ASTN2: variants seen among roughly 807,000 people sequenced by gnomAD.
ASTN2 encodes the protein astrotactin 2, also known as astrotactin-2.
Under a neutral mutation model 139.8 loss-of-function variants are expected in ASTN2, and 54 were observed. That is an observed-to-expected ratio of 0.39 (90% CI 0.31 to 0.48). The LOEUF is 0.48. Among genes scored for constraint, ASTN2 ranks in the 20% least tolerant of loss-of-function variants. ASTN2 has a pLI of 0.95. For synonymous variants in ASTN2, 756 were observed against 719.5 expected (o/e 1.05, Z -0.81); for missense variants, 1,565 against 1,725.1 (o/e 0.91, Z 1.64).
chr9:116,943,267 G>C (rs1292989598), intron 10 of ASTN2, among the ~76,000 whole-genome samples: 1 of 152,166 alleles, frequency 6.6e-6, no homozygotes, highest in Non-Finnish European at 1.5e-5. Flanking sequence ...TGGCACACCT[G>C]TGAGTATAAA....
chr9:116,893,517 C>T (rs1361171600), intron 10 of ASTN2, among the ~76,000 whole-genome samples: 1 of 152,176 alleles, frequency 6.6e-6, no homozygotes, highest in Non-Finnish European at 1.5e-5. Context: ...GTCACTGACT[C>T]TTCCAGCCTC....
Position 116,531,451 on chromosome 9 carries a change from C to T in ASTN2, c.3356-43951G>A, listed in dbSNP as rs560379737. Among the ~76,000 whole-genome samples, 320 of 152,144 alleles carry T rather than the reference C, an allele frequency of 2.1e-3. 1 individual carries two copies. The highest frequency in any genetic ancestry group is 7.4e-3 in the African/African-American group (309 of 41,510). ...TTACATATGTATACGTGTGCCATGT[C>T]GGTGTGTTGCACCCATTAACTCGTC... is the stretch of plus-strand genomic sequence containing the variant. On this transcript the variant is annotated intron_variant, in intron 19 of 22. Transcript: ENST00000313400.
At chr9:117,389,092 T>C (rs576690454) in intron 1 of ASTN2, among the ~76,000 whole-genome samples, 2 of 152,350 alleles carry the variant, frequency 1.3e-5, no homozygotes, top group South Asian at 4.1e-4. Flanking sequence ...ATTTGCAATA[T>C]ACCCTGCTTC....
chr9:117,381,478 C>G (rs897142876), intron 1 of ASTN2, among the ~76,000 whole-genome samples: 1 of 152,094 alleles, frequency 6.6e-6, no homozygotes, highest in African/African-American at 2.4e-5. Context: ...CACTTGGTAC[C>G]ACCCTCAAGA....
intron 2 of ASTN2, among the ~76,000 whole-genome samples, chr9:117,257,468 G>A (rs1833717990): frequency 6.6e-6 from 1 of 152,234 alleles, no homozygotes; most frequent in Non-Finnish European, 1.5e-5. Flanking sequence ...ATTGCCCTGT[G>A]AAGTGGTGAG....
chr9:116,542,104 CT>C (rs1396025155), intron 19 of ASTN2, among the ~76,000 whole-genome samples: 1 of 152,126 alleles, frequency 6.6e-6, no homozygotes, highest in East Asian at 1.9e-4. Context: ...AAAATGTTTT[CT>C]GCAATAGTAA....
intron 1 of ASTN2, among the ~76,000 whole-genome samples, chr9:117,402,701 A>T (rs1198563906): frequency 6.6e-6 from 1 of 152,190 alleles, no homozygotes; most frequent in Non-Finnish European, 1.5e-5. Context: ...ACAAGTATTC[A>T]TTATTTATCT....
At chr9:116,930,299 A>G (rs1056431342) in intron 10 of ASTN2, among the ~76,000 whole-genome samples, 7 of 152,210 alleles carry the variant, frequency 4.6e-5, no homozygotes, top group Non-Finnish European at 8.8e-5. Flanking sequence ...CCTATTGAGC[A>G]GTCAGAAGAC....
intron 1 of ASTN2, among the ~76,000 whole-genome samples, chr9:117,320,091 GT>G (rs1487748389): frequency 3.9e-5 from 6 of 152,192 alleles, no homozygotes; most frequent in Non-Finnish European, 8.8e-5. Flanking sequence ...AAGTGAACTA[GT>G]TTTGTCAGTA....
chr9:116,907,769 T>C (rs1036184471), intron 10 of ASTN2, among the ~76,000 whole-genome samples: 3 of 151,898 alleles, frequency 2.0e-5, no homozygotes, highest in Admixed American at 6.6e-5. Context: ...TGGGAGGGAA[T>C]GGAGGATGAC....
chr9:117,251,535 A>G (rs903732655), intron 2 of ASTN2, among the ~76,000 whole-genome samples: 1 of 152,222 alleles, frequency 6.6e-6, no homozygotes, highest in Non-Finnish European at 1.5e-5. Flanking sequence ...CACTGAGCAC[A>G]TGGCAGGAAC....
intron 5 of ASTN2, among the ~76,000 whole-genome samples, chr9:117,067,873 G>T (rs1462516844): frequency 8.4e-6 from 1 of 119,446 alleles, no homozygotes; most frequent in Admixed American, 8.2e-5. Flanking sequence ...CTGAGACTTT[G>T]CTGAAGTTGC....
intron 1 of ASTN2, among the ~76,000 whole-genome samples, chr9:117,341,503 A>C (rs2130865299): frequency 6.6e-6 from 1 of 152,308 alleles, no homozygotes. Flanking sequence ...ATAAAGTAGC[A>C]AACGATCAAG....
intron 1 of ASTN2, among the ~76,000 whole-genome samples, chr9:117,328,057 G>A (rs931142081): frequency 2.0e-5 from 3 of 152,186 alleles, no homozygotes; most frequent in Non-Finnish European, 4.4e-5. Context: ...GAAGAGGGCT[G>A]TGGAATGAAA....
At chr9:116,833,940 A>C (rs1361880211) in intron 11 of ASTN2, among the ~76,000 whole-genome samples, 1 of 148,544 alleles carries the variant, frequency 6.7e-6, no homozygotes, top group Non-Finnish European at 1.5e-5. Flanking sequence ...ACATGAGGAC[A>C]CAGAAAGAAG....
intron 1 of ASTN2, among the ~76,000 whole-genome samples, chr9:117,335,239 T>C (rs549758254): frequency 5.3e-5 from 8 of 152,332 alleles, no homozygotes; most frequent in African/African-American, 1.9e-4. Flanking sequence ...CTTTCTGCTT[T>C]TCTAGAATCC....
chr9:117,305,133 C>T (rs974229798), intron 1 of ASTN2, among the ~76,000 whole-genome samples: 15 of 152,138 alleles, frequency 9.9e-5, no homozygotes, highest in African/African-American at 3.4e-4. Flanking sequence ...CCCATATTGC[C>T]AGGCTAGCAG....
intron 5 of ASTN2, among the ~76,000 whole-genome samples, chr9:117,080,730 T>C (rs1356716650): frequency 1.3e-5 from 2 of 152,116 alleles, no homozygotes; most frequent in Admixed American, 1.3e-4. Flanking sequence ...CAGATATCCT[T>C]AGAGCAGAGA....
In ASTN2 at chr9:116,836,177, C is replaced by T. The variant is rs113650847; in HGVS notation, c.2041-15394G>A. On this transcript the variant is annotated intron_variant, in intron 11 of 22. Coordinates refer to ENST00000313400, the MANE Select transcript of ASTN2 (RefSeq NM_001365068.1). Reference sequence around the variant, plus strand: ...TGGGAGTGGTAGGTATGTCTAGTCACTGTTCCCCCCTTAATCTCCACTAAC... The same window carrying T: ...TGGGAGTGGTAGGTATGTCTAGTCATTGTTCCCCCCTTAATCTCCACTAAC... Among the ~76,000 whole-genome samples the T allele has an allele frequency of 2.1e-3, 319 of 152,270 alleles. 1 individual carries two copies. Among genetic ancestry groups the T allele is most frequent in the South Asian group, 5.8e-3 (28 of 4,822 alleles).
Sources: allele counts gnomAD v4.1 joint callset (sites outside exome capture counted in the v4.1 genomes callset), GRCh38; gene constraint gnomAD v4.1.1; transcripts MANE v1.5; gene names NCBI Gene and HGNC (gene_info 2026-07-23, HGNC 2026-07-21).